The following MAP2K1 variants were observed in gnomAD, a reference collection of about 807,000 sequenced individuals.
MAP2K1 encodes dual specificity mitogen-activated protein kinase kinase 1.
In MAP2K1, 16 loss-of-function variants were observed where a neutral mutation model predicts 46.3. The ratio of observed to expected loss-of-function variants is 0.35; its 90% confidence interval spans 0.23 to 0.52. MAP2K1 has a LOEUF of 0.52. Ranked by LOEUF, MAP2K1 falls within the 20% of genes least tolerant of loss-of-function variation. The pLI, the probability that MAP2K1 is intolerant of heterozygous loss-of-function variation, is 0.94. For synonymous variants in MAP2K1, 183 were observed against 185.6 expected (o/e 0.99, Z 0.11); for missense variants, 263 against 497.1 (o/e 0.53, Z 4.48).
At chr15:66,431,007 G>T (rs986609021) in intron 1 of MAP2K1, among the ~76,000 whole-genome samples, 1 of 152,206 alleles carries the variant, frequency 6.6e-6, no homozygotes, top group African/African-American at 2.4e-5. Context: ...ACATTACAGT[G>T]TGTGGTTCTA....
intron 1 of MAP2K1, among the ~76,000 whole-genome samples, chr15:66,396,787 C>G (rs545555621): frequency 6.7e-6 from 1 of 150,010 alleles, no homozygotes; most frequent in South Asian, 2.1e-4. Flanking sequence ...TGGGTTCAAG[C>G]GATTCTCCTG....
chr15:66,396,235 G>A (rs1374463543), intron 1 of MAP2K1, among the ~76,000 whole-genome samples: 6 of 151,806 alleles, frequency 4.0e-5, no homozygotes, highest in Non-Finnish European at 1.5e-5. Context: ...CGCCCTCCTC[G>A]GCCTCCCAAA....
intron 1 of MAP2K1, among the ~76,000 whole-genome samples, chr15:66,412,801 T>A (rs1456931358): frequency 6.6e-6 from 1 of 152,196 alleles, no homozygotes. Context: ...CAAGCCATCC[T>A]TACATCTCAG....
chr15:66,448,719 A>G (rs1257928706), intron 5 of MAP2K1, among the ~76,000 whole-genome samples: 3 of 152,120 alleles, frequency 2.0e-5, no homozygotes, highest in Non-Finnish European at 2.9e-5. Flanking sequence ...ACTAGAGACT[A>G]TTGGCTGGGC....
At chr15:66,479,437 C>G (rs1892861297) in intron 5 of MAP2K1, among the ~76,000 whole-genome samples, 1 of 152,162 alleles carries the variant, frequency 6.6e-6, no homozygotes, top group Non-Finnish European at 1.5e-5. Flanking sequence ...AGGGGAGGAA[C>G]TAGGTGCCCT....
chr15:66,471,374 T>G (rs970576481), intron 5 of MAP2K1, among the ~76,000 whole-genome samples: 5 of 152,202 alleles, frequency 3.3e-5, no homozygotes, highest in Non-Finnish European at 7.3e-5. Flanking sequence ...ACTTAGTACC[T>G]GCCAGACATT....
At chr15:66,392,243 TG>T in intron 1 of MAP2K1, among the ~76,000 whole-genome samples, 1 of 126,500 alleles carries the variant, frequency 7.9e-6, no homozygotes, top group African/African-American at 2.9e-5. Flanking sequence ...AATATTTGTG[TG>T]TTTTTTTTGG....
intron 1 of MAP2K1, among the ~76,000 whole-genome samples, chr15:66,414,416 A>G (rs2093419724): frequency 6.6e-6 from 1 of 152,212 alleles, no homozygotes; most frequent in Non-Finnish European, 1.5e-5. Context: ...TATAGCAAAA[A>G]GGGTACAAAT....
chr15:66,397,833 G>T (rs1297668764), intron 1 of MAP2K1, among the ~76,000 whole-genome samples: 2 of 152,242 alleles, frequency 1.3e-5, no homozygotes, highest in Non-Finnish European at 2.9e-5. Flanking sequence ...GCCATTTGCG[G>T]TGGCTCACGC....
rs540533521 is a variant in MAP2K1, at chr15:66,490,655, G to A, written c.*40G>A. ...ACAAAGAGCGAGTCCCCTGCCCGGT[G>A]GTTTGCCATGTCGCTTTTGGGCCTC... is the stretch of plus-strand genomic sequence containing the variant. On this transcript the variant is annotated 3_prime_UTR_variant, in exon 11 of 11. Coordinates refer to ENST00000307102, the MANE Select transcript of MAP2K1 (RefSeq NM_002755.4). The A allele has an allele frequency of 3.4e-5, 52 of 1,515,342 alleles. No individual in the cohort carries two copies. In the South Asian group the frequency reaches 5.7e-4, roughly 17 times the overall value. The allele number at this position is 1,515,342 out of a possible 1,614,324, so 93.9% of individuals were successfully genotyped here. A position where few individuals can be genotyped will look rare whatever the true frequency, so the allele number is the denominator to read the frequency against.
intron 1 of MAP2K1, among the ~76,000 whole-genome samples, chr15:66,395,381 G>A (rs1324754680): frequency 6.6e-6 from 1 of 152,170 alleles, no homozygotes; most frequent in Non-Finnish European, 1.5e-5. Flanking sequence ...TCCTGTAGCT[G>A]TTGGCCCTGC....
At chr15:66,435,314 A>G in intron 2 of MAP2K1, 77 bp downstream of exon 2, 1 of 1,246,100 alleles carries the variant, frequency 8.0e-7, no homozygotes, top group South Asian at 1.2e-5. Flanking sequence ...GGTAGAAGGA[A>G]GACTGATTTT....
intron 5 of MAP2K1, among the ~76,000 whole-genome samples, chr15:66,463,830 T>C (rs545865686): frequency 3.3e-5 from 5 of 152,318 alleles, no homozygotes; most frequent in Admixed American, 2.6e-4. Context: ...CATCAATTAA[T>C]ATACGTAAGA....
At chr15:66,489,474 G>A in intron 9 of MAP2K1, 198 bp downstream of exon 9, 1 of 672,134 alleles carries the variant, frequency 1.5e-6, no homozygotes, top group Admixed American at 2.4e-5. Context: ...CATCATGGAT[G>A]TAGTAGCTGC....
rs922999751 is a variant in MAP2K1, at chr15:66,490,795, A to G, written c.*180A>G. The G allele has an allele frequency of 1.5e-6, 1 of 685,128 alleles. No homozygotes were observed. The highest frequency in any genetic ancestry group is 2.7e-6 in the Non-Finnish European group (1 of 374,024). The allele number at this position is 685,128 out of a possible 1,614,324, so 42.4% of individuals were successfully genotyped here. A position where few individuals can be genotyped will look rare whatever the true frequency, so the allele number is the denominator to read the frequency against. On this transcript the variant is annotated 3_prime_UTR_variant, in exon 11 of 11. Transcript: ENST00000307102. ...TTTTAATATTACTGTCTTTATTCTTATTACTATTATTGTTCCCCTAAGTGG... is the reference window on the plus strand; with the variant it reads ...TTTTAATATTACTGTCTTTATTCTTGTTACTATTATTGTTCCCCTAAGTGG...
chr15:66,486,829 A>C (rs8026833), intron 7 of MAP2K1, among the ~76,000 whole-genome samples: 4 of 152,070 alleles, frequency 2.6e-5, no homozygotes, highest in African/African-American at 9.7e-5. Context: ...GAGGCTCGCC[A>C]GTGACTCTAG....
intron 1 of MAP2K1, among the ~76,000 whole-genome samples, chr15:66,387,951 C>A (rs901755048): frequency 6.6e-6 from 1 of 152,186 alleles, no homozygotes; most frequent in African/African-American, 2.4e-5. Context: ...GCTGGAAGTC[C>A]GTGTGGACTT....
At chr15:66,433,267 T>A (rs2093479409) in intron 1 of MAP2K1, among the ~76,000 whole-genome samples, 1 of 152,136 alleles carries the variant, frequency 6.6e-6, no homozygotes, top group African/African-American at 2.4e-5. Flanking sequence ...ATGAAAATAT[T>A]GAGTAGCTGC....
intron 1 of MAP2K1, among the ~76,000 whole-genome samples, chr15:66,421,091 CA>C (rs1304385335): frequency 1.6e-4 from 9 of 54,798 alleles, no homozygotes; most frequent in South Asian, 8.5e-4. Flanking sequence ...CATACACACA[CA>C]TACACACACA....
Sources: allele counts gnomAD v4.1 joint callset (sites outside exome capture counted in the v4.1 genomes callset), GRCh38; gene constraint gnomAD v4.1.1; transcripts MANE v1.5; gene names NCBI Gene and HGNC (gene_info 2026-07-23, HGNC 2026-07-21).